Variants in KALRN observed in about 807,000 individuals in gnomAD.
The protein encoded by KALRN is kalirin RhoGEF kinase.
A neutral mutation model predicts 353.7 loss-of-function variants in KALRN; 70 were observed. That is an observed-to-expected ratio of 0.20 (90% CI 0.16 to 0.24). The LOEUF is 0.24. KALRN is among the 10% of genes least tolerant of loss of function. The pLI is 1.00. For missense variants in KALRN, 2,791 were observed against 3,756.7 expected (o/e 0.74, Z 6.72); for synonymous variants, 1,391 against 1,434.8 (o/e 0.97, Z 0.69).
intron 13 of KALRN, among the ~76,000 whole-genome samples, chr3:124,399,676 T>C (rs2090615407): frequency 6.6e-6 from 1 of 152,238 alleles, no homozygotes. Flanking sequence ...ATCCGCAGTT[T>C]GATTTCTACC....
chr3:124,399,111 TTTTG>T (rs2090534473), intron 13 of KALRN, among the ~76,000 whole-genome samples: 2 of 151,366 alleles, frequency 1.3e-5, no homozygotes, highest in Admixed American at 1.3e-4. Flanking sequence ...GAGAAGTTTT[TTTTG>T]TTTGTTTTTG....
At chr3:124,436,578 T>A (rs2093468087) in intron 17 of KALRN, among the ~76,000 whole-genome samples, 3 of 146,328 alleles carry the variant, frequency 2.1e-5, no homozygotes, top group East Asian at 2.1e-4. Flanking sequence ...TCACCTCAAG[T>A]TTGGTGACAG....
chr3:124,399,809 T>TTAC (rs1202186146), intron 13 of KALRN, among the ~76,000 whole-genome samples: 16 of 152,206 alleles, frequency 1.1e-4, no homozygotes, highest in African/African-American at 3.6e-4. Flanking sequence ...TCATACCAAT[T>TTAC]AGTAATGTCT....
intron 34 of KALRN, among the ~76,000 whole-genome samples, chr3:124,591,923 A>G (rs1007936063): frequency 6.6e-6 from 1 of 152,214 alleles, no homozygotes; most frequent in African/African-American, 2.4e-5. Flanking sequence ...CTTTTTAAAA[A>G]ACTTAATTAG....
intron 16 of KALRN, 95 bp from the exon 17 acceptor site, chr3:124,434,212 T>C: frequency 1.2e-6 from 1 of 802,170 alleles, no homozygotes; most frequent in East Asian, 2.6e-5. Context: ...GCTCTTTAAC[T>C]TCTCTGCATC....
chr3:124,344,859 G>A (rs1226091764), intron 9 of KALRN, among the ~76,000 whole-genome samples: 1 of 152,076 alleles, frequency 6.6e-6, no homozygotes. Flanking sequence ...AAAATAAATT[G>A]ACATTTTAAA....
chr3:124,345,281 C>G (rs2082153164), intron 9 of KALRN, among the ~76,000 whole-genome samples: 1 of 152,134 alleles, frequency 6.6e-6, no homozygotes, highest in Admixed American at 6.6e-5. Context: ...ATACTTCGCA[C>G]CTAATATATG....
intron 9 of KALRN, among the ~76,000 whole-genome samples, chr3:124,345,676 A>T (rs1261294083): frequency 6.6e-6 from 1 of 152,200 alleles, no homozygotes; most frequent in South Asian, 2.1e-4. Flanking sequence ...TTTCTTCATG[A>T]TGATGGACAA....
chr3:124,590,464 AAAAAT>A (rs2075664283), intron 34 of KALRN, among the ~76,000 whole-genome samples: 1 of 152,202 alleles, frequency 6.6e-6, no homozygotes, highest in South Asian at 2.1e-4. Context: ...CTTTAAAAAT[AAAAAT>A]AAAAAAGCAA....
intron 1 of KALRN, among the ~76,000 whole-genome samples, chr3:124,121,680 A>G (rs748878674): frequency 6.6e-6 from 1 of 152,160 alleles, no homozygotes; most frequent in Non-Finnish European, 1.5e-5. Context: ...TGAAGAAACA[A>G]TTTTACAGTT....
intron 32 of KALRN, among the ~76,000 whole-genome samples, chr3:124,494,566 T>C (rs931856149): frequency 6.6e-6 from 1 of 152,258 alleles, no homozygotes; most frequent in African/African-American, 2.4e-5. Context: ...CAGATTTTCC[T>C]TCCTATGAAT....
chr3:124,305,235 C>A (rs1243363418), intron 6 of KALRN, among the ~76,000 whole-genome samples: 1 of 152,160 alleles, frequency 6.6e-6, no homozygotes, highest in Non-Finnish European at 1.5e-5. Flanking sequence ...AAAGTTTAAG[C>A]CACTTACAAA....
chr3:124,213,793 T>C (rs541426635), intron 1 of KALRN, among the ~76,000 whole-genome samples: 30 of 152,344 alleles, frequency 2.0e-4, no homozygotes, highest in African/African-American at 7.0e-4. Flanking sequence ...GTTCTTTTAG[T>C]CATAAGACAA....
Position 124,671,850 on chromosome 3 carries a change from T to G in KALRN, c.6894T>G (p.Ser2298Arg), listed in dbSNP as rs545817282. The change falls in exon 48 of 60, where the codon AGT becomes AGG. Residue 2298 changes from serine (S) to arginine (R), a missense_variant. Transcript: ENST00000682506. ...PPLKISTSNG[S>R]PGFEYHQPGD... ...TGAAGATATCTACCTCCAATGGCAG[T>G]CCAGGGTTTGAATACCACCAGCCTG... The G allele has an allele frequency of 6.2e-7, 1 of 1,614,142 alleles. No individual in the cohort carries two copies. Among genetic ancestry groups the G allele is most frequent in the South Asian group, 1.1e-5 (1 of 91,084 alleles).
intron 25 of KALRN, among the ~76,000 whole-genome samples, chr3:124,470,602 ATCTGGAAGC>A (rs1275350253): frequency 6.6e-6 from 1 of 152,176 alleles, no homozygotes; most frequent in Non-Finnish European, 1.5e-5. Context: ...AGGATTTGCC[ATCTGGAAGC>A]ATCCTGGAAT....
chr3:124,108,080 CTGTT>C (rs145568410), intron 1 of KALRN, among the ~76,000 whole-genome samples: 2 of 152,314 alleles, frequency 1.3e-5, no homozygotes, highest in African/African-American at 2.4e-5. Flanking sequence ...TGTATACTGT[CTGTT>C]TGGCCAATTG....
chr3:124,416,452 A>G (rs1346909967), intron 14 of KALRN, among the ~76,000 whole-genome samples: 1 of 152,234 alleles, frequency 6.6e-6, no homozygotes, highest in African/African-American at 2.4e-5. Flanking sequence ...GCTTTGTCAA[A>G]AGAGGTTTGG....
intron 1 of KALRN, among the ~76,000 whole-genome samples, chr3:124,075,318 C>T (rs1033058154): frequency 1.3e-5 from 2 of 152,212 alleles, no homozygotes; most frequent in African/African-American, 2.4e-5. Flanking sequence ...CTTCATTTGT[C>T]AGTCGGGTTC....
chr3:124,505,495 ATGG>A (rs770409490), intron 33 of KALRN, among the ~76,000 whole-genome samples: 12 of 152,096 alleles, frequency 7.9e-5, no homozygotes, highest in Non-Finnish European at 1.5e-4. Context: ...TTAGCCAGGC[ATGG>A]TGGCACATGC....
Sources: gnomAD v4.1 joint callset for allele counts (sites outside exome capture counted in the v4.1 genomes callset) on GRCh38, gnomAD v4.1.1 for gene constraint, MANE v1.5 for transcripts, NCBI Gene and HGNC (gene_info 2026-07-23, HGNC 2026-07-21) for gene names.